The following GRID2 variants were observed in gnomAD, a reference collection of about 807,000 sequenced individuals.
GRID2 encodes glutamate ionotropic receptor delta type subunit 2, also known as glutamate receptor ionotropic, delta-2.
Under a neutral mutation model 114.8 loss-of-function variants are expected in GRID2, and 33 were observed. The observed-to-expected ratio is 0.29, with a 90% CI of 0.22 to 0.38. GRID2 has a LOEUF of 0.38. GRID2 is among the 10% of genes least tolerant of loss of function. GRID2 has a pLI of 1.00. For synonymous variants in GRID2, 505 were observed against 449.9 expected, an observed-to-expected ratio of 1.12 and a Z score of -1.55; for missense variants, 1,184 against 1,257.7, an observed-to-expected ratio of 0.94 and a Z score of 0.89.
chr4:92,342,910 G>A (rs1308540339), intron 1 of GRID2, among the ~76,000 whole-genome samples: 5 of 152,084 alleles, frequency 3.3e-5, no homozygotes, highest in South Asian at 4.1e-4. Context: ...TCTCGGTCCC[G>A]TGTGTTCACT....
At chr4:93,475,063 A>G (rs1274799938) in intron 11 of GRID2, among the ~76,000 whole-genome samples, 2 of 151,968 alleles carry the variant, frequency 1.3e-5, no homozygotes, top group Admixed American at 6.6e-5. Flanking sequence ...TGTTACATCC[A>G]TGGTTTTGAT....
chr4:92,982,754 T>C (rs777773746), intron 2 of GRID2, among the ~76,000 whole-genome samples: 1 of 151,942 alleles, frequency 6.6e-6, no homozygotes, highest in Non-Finnish European at 1.5e-5. Context: ...TTGTGTAGGG[T>C]AATAAAGAGA....
At chr4:92,715,609 A>G (rs1183142424) in intron 2 of GRID2, among the ~76,000 whole-genome samples, 1 of 152,222 alleles carries the variant, frequency 6.6e-6, no homozygotes, top group African/African-American at 2.4e-5. Context: ...TCATGGTGGA[A>G]GAAGATGAAA....
chr4:92,684,117 C>A (rs1035120907), intron 2 of GRID2, among the ~76,000 whole-genome samples: 1 of 151,502 alleles, frequency 6.6e-6, no homozygotes, highest in African/African-American at 2.4e-5. Flanking sequence ...AGTAGAATAC[C>A]ATTATGTAAA....
chr4:93,603,299 C>G (rs1025831651), intron 13 of GRID2, among the ~76,000 whole-genome samples: 1 of 152,174 alleles, frequency 6.6e-6, no homozygotes, highest in Non-Finnish European at 1.5e-5. Context: ...GTTAGAAGAT[C>G]AAACCAGCTG....
intron 7 of GRID2, among the ~76,000 whole-genome samples, chr4:93,235,997 A>C (rs2149509194): frequency 6.6e-6 from 1 of 152,186 alleles, no homozygotes; most frequent in South Asian, 2.1e-4. Flanking sequence ...CTAAAACATA[A>C]ATTTAAGATT....
chr4:92,388,238 A>T (rs1730071396), intron 1 of GRID2, among the ~76,000 whole-genome samples: 2 of 152,016 alleles, frequency 1.3e-5, no homozygotes, highest in Admixed American at 6.6e-5. Context: ...GAGGGGTTTT[A>T]ACCTTTTTAG....
rs575102914 is a variant in GRID2 at position 92,548,816 on chromosome 4, A to G, written c.89-41315A>G. 6.6e-5 allele frequency among the ~76,000 whole-genome samples: 10 copies of G among 152,186 alleles called. No homozygotes were observed. The East Asian group carries it at 1.7e-3, about 27-fold the overall frequency. On this transcript the variant is annotated intron_variant, in intron 1 of 15. Coordinates refer to ENST00000282020, the MANE Select transcript of GRID2 (RefSeq NM_001510.4). ...CTTAGGAAACTTTCATTCGTGGTGGAAGGTGAATGGGAAGCCCGCACTACA... is the reference window on the plus strand; with the variant it reads ...CTTAGGAAACTTTCATTCGTGGTGGGAGGTGAATGGGAAGCCCGCACTACA...
chr4:93,108,792 G>A (rs1350679630), intron 3 of GRID2, among the ~76,000 whole-genome samples: 1 of 151,860 alleles, frequency 6.6e-6, no homozygotes, highest in Non-Finnish European at 1.5e-5. Flanking sequence ...CACCACGCCT[G>A]ACTAATTTTC....
chr4:92,852,882 A>G (rs17019927), intron 2 of GRID2, among the ~76,000 whole-genome samples: 3,223 of 151,990 alleles, frequency 0.021, 104 homozygotes, highest in African/African-American at 0.074. Flanking sequence ...TTTCAGCTTC[A>G]TTGTTAATTA....
At chr4:93,143,780 AT>A (rs1186664962) in intron 4 of GRID2, among the ~76,000 whole-genome samples, 2 of 152,304 alleles carry the variant, frequency 1.3e-5, no homozygotes, top group Non-Finnish European at 1.5e-5. Flanking sequence ...TTTTCAGAGG[AT>A]TATTCTAACA....
At chr4:93,240,220 T>A (rs1435573768) in intron 8 of GRID2, among the ~76,000 whole-genome samples, 1 of 151,604 alleles carries the variant, frequency 6.6e-6, no homozygotes, top group Non-Finnish European at 1.5e-5. Context: ...TCAAACCCAT[T>A]TTCATAGTAA....
intron 13 of GRID2, among the ~76,000 whole-genome samples, chr4:93,599,284 T>C (rs1739433940): frequency 6.6e-6 from 1 of 152,204 alleles, no homozygotes; most frequent in Non-Finnish European, 1.5e-5. Flanking sequence ...AGAAAAATTT[T>C]ATAGCACTGT....
intron 1 of GRID2, among the ~76,000 whole-genome samples, chr4:92,367,723 G>C (rs1728937456): frequency 6.6e-6 from 1 of 152,074 alleles, no homozygotes; most frequent in African/African-American, 2.4e-5. Context: ...GAAATGGCAT[G>C]ATAAGATTTT....
At chr4:92,706,340 GT>G (rs963165487) in intron 2 of GRID2, among the ~76,000 whole-genome samples, 64 of 152,204 alleles carry the variant, frequency 4.2e-4, no homozygotes, top group African/African-American at 1.4e-3. Flanking sequence ...TATTTTTAAA[GT>G]TTTTTATTTA....
At chr4:92,583,613 A>C (rs1310400842) in intron 1 of GRID2, among the ~76,000 whole-genome samples, 2 of 151,358 alleles carry the variant, frequency 1.3e-5, no homozygotes, top group African/African-American at 4.9e-5. Flanking sequence ...TAAATTGTGA[A>C]TGATATATCA....
rs565989329 is a variant in GRID2, at chr4:92,360,921, A to C, written c.88+56177A>C. 4.7e-4 allele frequency among the ~76,000 whole-genome samples: 72 copies of C among 152,056 alleles called. No individual in the cohort carries two copies. In the South Asian group the frequency reaches 9.3e-3, roughly 20 times the overall value. On this transcript the variant is annotated intron_variant, in intron 1 of 15. Transcript: ENST00000282020. Reference sequence around the variant, plus strand: ...AAGATATAGATATTTTTCTAGGTTAAATATTTGTGTTCTATTTTAAATTGC... The same window carrying C: ...AAGATATAGATATTTTTCTAGGTTACATATTTGTGTTCTATTTTAAATTGC...
At position 93,525,340 on chromosome 4, in the gene GRID2, A is replaced by G. The variant is rs529906720; in HGVS notation, c.2193+9929A>G. Among the ~76,000 whole-genome samples the G allele has an allele frequency of 3.9e-5, 6 of 152,256 alleles. No homozygotes were observed. The East Asian group carries it at 1.2e-3, about 29-fold the overall frequency. On this transcript the variant is annotated intron_variant, in intron 13 of 15. Transcript: ENST00000282020. Reference sequence around the variant, plus strand: ...AAAGGCATGAAGGTGAGCAGAGCATAGTATGTGCAAGAAACAAAAAGCAAT... The same window carrying G: ...AAAGGCATGAAGGTGAGCAGAGCATGGTATGTGCAAGAAACAAAAAGCAAT...
At chr4:92,928,307 T>C (rs1426867666) in intron 2 of GRID2, among the ~76,000 whole-genome samples, 2 of 151,744 alleles carry the variant, frequency 1.3e-5, no homozygotes, top group African/African-American at 2.4e-5. Flanking sequence ...CATCCAGTAA[T>C]ATAATTTTCA....
Sources: gnomAD v4.1 joint callset for allele counts (sites outside exome capture counted in the v4.1 genomes callset) on GRCh38, gnomAD v4.1.1 for gene constraint, MANE v1.5 for transcripts, NCBI Gene and HGNC (gene_info 2026-07-23, HGNC 2026-07-21) for gene names.